GRXCR1: variants seen among roughly 807,000 people sequenced by gnomAD.
GRXCR1 encodes glutaredoxin domain-containing cysteine-rich protein 1.
Under a neutral mutation model 27.3 loss-of-function variants are expected in GRXCR1, and 27 were observed. The observed-to-expected ratio is 0.99, with a 90% confidence interval of 0.73 to 1.37. The LOEUF is 1.37. GRXCR1 is among the 40% of genes most tolerant of loss of function. GRXCR1 has a pLI of 0.00. For synonymous variants in GRXCR1, 122 were observed against 131.1 expected (o/e 0.93, Z 0.47); for missense variants, 379 against 354.4 (o/e 1.07, Z -0.56).
chr4:43,010,548 G>C (rs1712714984), intron 2 of GRXCR1, among the ~76,000 whole-genome samples: 1 of 152,014 alleles, frequency 6.6e-6, no homozygotes, highest in African/African-American at 2.4e-5. Flanking sequence ...ATGCCCAGAT[G>C]AATTTTAGAG....
intron 3 of GRXCR1, among the ~76,000 whole-genome samples, chr4:43,023,125 G>C (rs1713144816): frequency 6.6e-6 from 1 of 152,130 alleles, no homozygotes. Context: ...CTATACTGTG[G>C]CAGGACACAA....
At chr4:42,967,047 T>G (rs1261794112) in intron 2 of GRXCR1, among the ~76,000 whole-genome samples, 2 of 152,080 alleles carry the variant, frequency 1.3e-5, no homozygotes, top group Non-Finnish European at 2.9e-5. Context: ...TTAAGATTAA[T>G]GAAGTTCACT....
At chr4:42,987,238 T>TA (rs1313392474) in intron 2 of GRXCR1, among the ~76,000 whole-genome samples, 2 of 63,606 alleles carry the variant, frequency 3.1e-5, no homozygotes, top group South Asian at 9.9e-4. Flanking sequence ...ATTATATATA[T>TA]ATAATATATA....
chr4:43,009,740 T>C (rs1211335492), intron 2 of GRXCR1, among the ~76,000 whole-genome samples: 3 of 151,876 alleles, frequency 2.0e-5, no homozygotes, highest in African/African-American at 7.3e-5. Context: ...TCTGCCTTCA[T>C]AACCTAATCA....
chr4:42,979,819 C>T (rs1015227022), intron 2 of GRXCR1, among the ~76,000 whole-genome samples: 1 of 151,820 alleles, frequency 6.6e-6, no homozygotes, highest in Non-Finnish European at 1.5e-5. Context: ...TGATGAAATA[C>T]TTTCTATTAC....
intron 1 of GRXCR1, among the ~76,000 whole-genome samples, chr4:42,917,424 C>T (rs1746910275): frequency 1.3e-5 from 2 of 152,228 alleles, no homozygotes; most frequent in South Asian, 4.2e-4. Flanking sequence ...AGTAATTAAT[C>T]CCAAATGAAG....
In GRXCR1 at chr4:42,910,508, C is replaced by A. The variant is rs185075630; in HGVS notation, c.384+16858C>A. On this transcript the variant is annotated intron_variant, in intron 1 of 3. Transcript: ENST00000399770. ...TGGGCTACATATGCTGAGTGGGCTTCCGTGAATGCCCCATGGAGGAGTCAG... is the reference window on the plus strand; with the variant it reads ...TGGGCTACATATGCTGAGTGGGCTTACGTGAATGCCCCATGGAGGAGTCAG... Among the ~76,000 whole-genome samples, 238 of 152,240 alleles carry A rather than the reference C, an allele frequency of 1.6e-3. 1 individual carries two copies. Among genetic ancestry groups the A allele is most frequent in the African/African-American group, 5.3e-3 (222 of 41,548 alleles).
intron 1 of GRXCR1, among the ~76,000 whole-genome samples, chr4:42,939,681 G>A (rs192062153): frequency 2.0e-5 from 3 of 152,144 alleles, no homozygotes; most frequent in African/African-American, 7.2e-5. Flanking sequence ...TATTTATCTT[G>A]TATTTCCTTC....
chr4:42,988,652 T>TA (rs1170929843), intron 2 of GRXCR1, among the ~76,000 whole-genome samples: 1 of 152,152 alleles, frequency 6.6e-6, no homozygotes, highest in Non-Finnish European at 1.5e-5. Context: ...AATTTAGTAT[T>TA]TTGAAGTGGC....
At chr4:42,915,482 A>G (rs183952818) in intron 1 of GRXCR1, among the ~76,000 whole-genome samples, 23 of 151,526 alleles carry the variant, frequency 1.5e-4, no homozygotes, top group African/African-American at 5.3e-4. Context: ...CTCCTTTTTT[A>G]GTAGTTTTTA....
chr4:42,910,695 G>T (rs527977736), intron 1 of GRXCR1, among the ~76,000 whole-genome samples: 1 of 152,220 alleles, frequency 6.6e-6, no homozygotes, highest in African/African-American at 2.4e-5. Context: ...GACCCACGTG[G>T]CATATAAGCT....
chr4:42,963,240 G>GT lies in GRXCR1; in HGVS notation c.627+113dup, dbSNP rs199749797. The GT allele has an allele frequency of 6.0e-5, 82 of 1,365,016 alleles. 1 individual carries two copies. Among genetic ancestry groups the GT allele is most frequent in the South Asian group, 4.5e-4 (38 of 85,212 alleles). The allele number at this position is 1,365,016 out of a possible 1,614,324, so 84.6% of individuals were successfully genotyped here. A position where few individuals can be genotyped will look rare whatever the true frequency, so the allele number is the denominator to read the frequency against. ...AGCGTAACTACTGGAACACTTGCTG[G>GT]TTTTTTTGGAGCTCAAACCAAAGGG... On this transcript the variant is annotated intron_variant, in intron 2 of 3. Coordinates refer to ENST00000399770, the MANE Select transcript of GRXCR1 (RefSeq NM_001080476.3).
chr4:42,946,252 G>C (rs895814110), intron 1 of GRXCR1, among the ~76,000 whole-genome samples: 2 of 149,838 alleles, frequency 1.3e-5, no homozygotes, highest in Non-Finnish European at 3.0e-5. Context: ...TAATGAGACA[G>C]GAAAAAGGTC....
chr4:42,950,143 G>T (rs1747848316), intron 1 of GRXCR1, among the ~76,000 whole-genome samples: 1 of 152,092 alleles, frequency 6.6e-6, no homozygotes, highest in Non-Finnish European at 1.5e-5. Flanking sequence ...AAGAGAAAGG[G>T]CACCTTTCCC....
Position 42,986,849 on chromosome 4 carries a change from G to A in GRXCR1, c.627+23715G>A, listed in dbSNP as rs371453350. 5.9e-5 allele frequency among the ~76,000 whole-genome samples: 9 copies of A among 152,078 alleles called. No homozygotes were observed. In the East Asian group the frequency reaches 9.7e-4, roughly 16 times the overall value. ...GATATGTCTCCTTGTAGAGCCTCCA[G>A]GCTATCTTAAAATTAGTCCCCCTAA... On this transcript the variant is annotated intron_variant, in intron 2 of 3. Coordinates refer to ENST00000399770, the MANE Select transcript of GRXCR1 (RefSeq NM_001080476.3).
At chr4:42,929,691 A>C (rs990736261) in intron 1 of GRXCR1, among the ~76,000 whole-genome samples, 1 of 151,836 alleles carries the variant, frequency 6.6e-6, no homozygotes, top group Non-Finnish European at 1.5e-5. Context: ...GCCTCTCAAA[A>C]TGGGTCTAAT....
At chr4:42,940,021 G>T (rs2109762280) in intron 1 of GRXCR1, among the ~76,000 whole-genome samples, 1 of 152,022 alleles carries the variant, frequency 6.6e-6, no homozygotes, top group Middle Eastern at 3.4e-3. Flanking sequence ...TTTACCCGTG[G>T]AGAGCAGGCC....
intron 1 of GRXCR1, among the ~76,000 whole-genome samples, chr4:42,902,378 A>G (rs543089845): frequency 3.9e-5 from 6 of 152,166 alleles, no homozygotes; most frequent in South Asian, 2.1e-4. Flanking sequence ...ATCAGTTTCT[A>G]TAACAGTGAC....
chr4:42,917,500 C>T (rs1054184756), intron 1 of GRXCR1, among the ~76,000 whole-genome samples: 5 of 152,136 alleles, frequency 3.3e-5, no homozygotes, highest in South Asian at 4.1e-4. Context: ...CCAGAGAGGA[C>T]TTCACTGGCA....
Sources: allele counts gnomAD v4.1 joint callset (sites outside exome capture counted in the v4.1 genomes callset), GRCh38; gene constraint gnomAD v4.1.1; transcripts MANE v1.5; gene names NCBI Gene and HGNC (gene_info 2026-07-23, HGNC 2026-07-21).